Variants in SH2D6 observed in about 807,000 individuals in gnomAD.
SH2D6 encodes SH2 domain containing 6, also known as SH2 domain-containing protein 6.
In SH2D6, 31 loss-of-function variants were observed where a neutral mutation model predicts 30.2. That is an observed-to-expected ratio of 1.03 (90% confidence interval 0.77 to 1.38). The LOEUF (loss-of-function observed/expected upper bound fraction) is 1.38. Ranked by LOEUF, SH2D6 falls within the 40% of genes most tolerant of loss-of-function variation. The probability of loss-of-function intolerance (pLI) is 0.00; values close to 1 mark genes in which losing one functional copy is unlikely to be tolerated. For missense variants in SH2D6, 240 were observed against 266.8 expected (o/e 0.90, Z 0.70); for synonymous variants, 93 against 104.6 (o/e 0.89, Z 0.68).
At chr2:85,431,849 TTG>T (rs1688689333) in intron 13 of SH2D6, 48 bp from the exon 14 acceptor site, 2 of 152,732 alleles carry the variant, frequency 1.3e-5, no homozygotes, top group African/African-American at 4.8e-5. Flanking sequence ...CGCCCCATCC[TTG>T]CCTCCTGCTC....
Position 85,430,460 on chromosome 2 carries a change from T to G in SH2D6, c.135+26T>G, listed in dbSNP as rs1573224711. ...GTGAGTCTGCCTACTGAGGTTGGGG[T>G]GGGGAGGCAGCGGCCAGAGCCTGCT... On this transcript the variant is annotated intron_variant, in intron 11 of 23. Coordinates refer to ENST00000469800, the MANE Select transcript of SH2D6 (RefSeq NM_001394463.1). This position sits in a 1 kb window ranked among gnomAD's most constrained non-coding sequence, Gnocchi z 4.3. 6.6e-6 allele frequency: 1 copy of G among 152,452 alleles called. No individual in the cohort carries two copies. Among genetic ancestry groups the G allele is most frequent in the Non-Finnish European group, 1.5e-5 (1 of 68,128 alleles). The allele number at this position is 152,452 out of a possible 1,614,324, so 9.4% of individuals were successfully genotyped here.
intron 2 of SH2D6, chr2:85,421,451 CAA>C (rs1687746633): frequency 6.6e-6 from 1 of 152,182 alleles, no homozygotes; most frequent in Non-Finnish European, 1.5e-5. Flanking sequence ...GAAGAGAGAC[CAA>C]AGATGTTTGC....
intron 17 of SH2D6, 37 bp downstream of exon 17, chr2:85,434,148 A>T (rs1689103826): frequency 6.5e-7 from 1 of 1,540,934 alleles, no homozygotes; most frequent in Middle Eastern, 1.7e-4. Flanking sequence ...GTGTGTATGT[A>T]TGTGAGACAC....
chr2:85,435,118 G>A lies in SH2D6; in HGVS notation c.643G>A (p.Ala215Thr). Residue 215 changes from alanine to threonine, a missense_variant, in exon 20 of 24, where the codon GCT (alanine) becomes ACT (threonine). Physicochemically the swap from Ala to Thr is moderately conservative, Grantham distance 58. Transcript: ENST00000469800. ...AGCCCCCACTGGGAGTGCCTCAGCT[G>A]CTGAGGTGAGGAGGGGCTGGGAGCA... is the stretch of plus-strand genomic sequence containing the variant. ...SVAPTGSASA[A>T]EDSDLLTQPW... The A allele has an allele frequency of 6.2e-7, 1 of 1,605,022 alleles. No homozygotes were observed. The highest frequency in any genetic ancestry group is 8.5e-7 in the Non-Finnish European group (1 of 1,175,510).
intron 22 of SH2D6, 108 bp downstream of exon 22, chr2:85,435,932 G>A (rs1209805030): frequency 2.2e-6 from 3 of 1,386,596 alleles, no homozygotes; most frequent in Non-Finnish European, 1.9e-6. Context: ...ATCTTTCTGG[G>A]GTGGGCAGAA....
chr2:85,435,786 C>T lies in SH2D6; in HGVS notation c.853C>T (p.His285Tyr), dbSNP rs1411024141. The change falls in exon 22 of 24, where the codon CAC (histidine) becomes TAC (tyrosine). Residue 285 changes from histidine (H) to tyrosine (Y), a missense_variant. His to Tyr is a moderately conservative substitution (Grantham distance 83, BLOSUM62 2). Transcript: ENST00000469800. ...IPIRRLDGGRHYALGREGRNR... is the reference protein window; with the variant it reads ...IPIRRLDGGRYYALGREGRNR... ...CATCCGGCGGCTGGATGGCGGACGC[C>T]ACTATGCCCTGGGCCGGGAGGGCAG... 1.0e-5 allele frequency: 16 copies of T among 1,604,982 alleles called. No homozygotes were observed. Among genetic ancestry groups the T allele is most frequent in the African/African-American group, 1.3e-5 (1 of 74,956 alleles).
chr2:85,431,438 G>A (rs371195984), intron 13 of SH2D6, among the ~76,000 whole-genome samples, 170 bp downstream of exon 13: 103 of 152,264 alleles, frequency 6.8e-4, no homozygotes, highest in African/African-American at 2.4e-3. Context: ...GAGCCCTGCC[G>A]CTGTCAGTCA....
chr2:85,433,604 C>T lies in SH2D6; in HGVS notation c.427C>T (p.Leu143Phe). ...PGPPKKPDED[L>F]YLECEPDPVL... ...CCCTCCAAAGAAACCTGATGAGGAC[C>T]TCTACTTGGAATGTGAGCCGGATCC... The change falls in exon 16 of 24, where the codon CTC (leucine) becomes TTC (phenylalanine). Residue 143 changes from leucine (L) to phenylalanine (F), a missense_variant. Leu to Phe is a conservative substitution (Grantham distance 22). Coordinates refer to ENST00000469800, the MANE Select transcript of SH2D6 (RefSeq NM_001394463.1). 9.9e-7 allele frequency: 1 copy of T among 1,010,918 alleles called. No individual in the cohort carries two copies. Among genetic ancestry groups the T allele is most frequent in the African/African-American group, 1.7e-5 (1 of 57,948 alleles). 62.6% of individuals were successfully genotyped at this position (1,010,918 alleles called of 1,614,324 possible).
At position 85,433,097 on chromosome 2, in the gene SH2D6, A is replaced by C. The variant is rs1181433360; in HGVS notation, c.371-2A>C. 5.1e-6 allele frequency: 5 copies of C among 985,760 alleles called. No homozygotes were observed. The highest frequency in any genetic ancestry group is 1.7e-5 in the African/African-American group (1 of 57,230). The allele number at this position is 985,760 out of a possible 1,614,324, so 61.1% of individuals were successfully genotyped here. A position where few individuals can be genotyped will look rare whatever the true frequency, so the allele number is the denominator to read the frequency against. Reference sequence around the variant, plus strand: ...CAGGTGGTTCTCTCCTTTTCCTTTCAGAGCAGGGTGCATCGTCCAGAGTGG... The same window carrying C: ...CAGGTGGTTCTCTCCTTTTCCTTTCCGAGCAGGGTGCATCGTCCAGAGTGG... On this transcript the variant is annotated splice_acceptor_variant, in intron 14 of 23. Transcript: ENST00000469800. LOFTEE classifies it high-confidence loss of function.
In SH2D6 at chr2:85,436,449, C is replaced by T. The variant is rs780136162; in HGVS notation, c.892-17C>T. On this transcript the variant is annotated splice_polypyrimidine_tract_variant and intron_variant, in intron 22 of 23. Transcript: ENST00000469800. Reference sequence around the variant, plus strand: ...TGAGGCTCATGGGACTCACGGATGCCCTGCCTCCCTGGCCAGCTCTTCTCC... The same window carrying T: ...TGAGGCTCATGGGACTCACGGATGCTCTGCCTCCCTGGCCAGCTCTTCTCC... 3.1e-6 allele frequency: 5 copies of T among 1,605,450 alleles called. No homozygotes were observed. Among genetic ancestry groups the T allele is most frequent in the Non-Finnish European group, 4.3e-6 (5 of 1,172,736 alleles).
At position 85,433,712 on chromosome 2, in the gene SH2D6, T is replaced by G. The variant is rs1689044302; in HGVS notation, c.454+81T>G. On this transcript the variant is annotated intron_variant, in intron 16 of 23. Transcript: ENST00000469800. ...AGCACAACACACTCTCCTGGCTCCA[T>G]CTGCTTCCCTTGCTGCCTCTCACCA... 6.7e-6 allele frequency: 7 copies of G among 1,049,930 alleles called. 1 individual carries two copies. In the South Asian group the frequency reaches 1.7e-4, roughly 26 times the overall value. 65.0% of individuals were successfully genotyped at this position (1,049,930 alleles called of 1,614,324 possible).
intron 5 of SH2D6, among the ~76,000 whole-genome samples, chr2:85,424,814 TC>T (rs1415099969): frequency 2.0e-5 from 3 of 150,894 alleles, no homozygotes; most frequent in Non-Finnish European, 4.4e-5. Context: ...ACGCCTGTAA[TC>T]CCAGCACTTT....
Position 85,436,515 on chromosome 2 carries a change from T to C in SH2D6, c.941T>C (p.Leu314Pro). ...GTCCAGCACTTCATGTGGCACCCTC[T>C]GCCCCTTGTGGACAGACACAGCGGC... Reference protein sequence around the residue: ...AMVQHFMWHPLPLVDRHSGSR... With the variant: ...AMVQHFMWHPPPLVDRHSGSR... Residue 314 changes from leucine to proline, a missense_variant, in exon 23 of 24, where the codon CTG becomes CCG. Coordinates refer to ENST00000469800, the MANE Select transcript of SH2D6 (RefSeq NM_001394463.1). 1.2e-6 allele frequency: 2 copies of C among 1,613,768 alleles called. No homozygotes were observed. Among genetic ancestry groups the C allele is most frequent in the Non-Finnish European group, 1.7e-6 (2 of 1,180,008 alleles).
chr2:85,436,387 A>T, intron 22 of SH2D6, 79 bp from the exon 23 acceptor site: 1 of 1,026,214 alleles, frequency 9.7e-7, no homozygotes, highest in Non-Finnish European at 1.5e-6. Flanking sequence ...TCCCCTTGCC[A>T]GAGTCCCACA....
intron 6 of SH2D6, among the ~76,000 whole-genome samples, chr2:85,427,403 C>T (rs1877955): frequency 2.0e-5 from 3 of 152,136 alleles, no homozygotes; most frequent in Non-Finnish European, 2.9e-5. Context: ...ACTGAGGCAG[C>T]CCTCTTTCCT....
At chr2:85,436,125 C>G (rs978432202) in intron 22 of SH2D6, among the ~76,000 whole-genome samples, 8 of 152,148 alleles carry the variant, frequency 5.3e-5, no homozygotes, top group African/African-American at 1.7e-4. Flanking sequence ...CCCCAGGACT[C>G]AATGTCGCAC....
intron 5 of SH2D6, among the ~76,000 whole-genome samples, chr2:85,423,194 T>TG (rs879654682): frequency 0.026 from 3,005 of 117,460 alleles, 46 homozygotes; most frequent in South Asian, 0.06. Context: ...GGCCTGTTTT[T>TG]TTTTTTGTTG....
rs1689088455 is a variant in SH2D6 at position 85,434,021 on chromosome 2, T to A, written c.455-12T>A. 6.5e-7 allele frequency: 1 copy of A among 1,549,510 alleles called. No individual in the cohort carries two copies. On this transcript the variant is annotated splice_polypyrimidine_tract_variant and intron_variant, in intron 16 of 23. Coordinates refer to ENST00000469800, the MANE Select transcript of SH2D6 (RefSeq NM_001394463.1). Reference sequence around the variant, plus strand: ...TGCTCAGCCGAGCCCAGCCTGCCCCTCCCTGTTTCAGTCCTGGCTTTGACT... The same window carrying A: ...TGCTCAGCCGAGCCCAGCCTGCCCCACCCTGTTTCAGTCCTGGCTTTGACT...
At chr2:85,426,843 T>C (rs974233151) in intron 6 of SH2D6, among the ~76,000 whole-genome samples, 6 of 152,226 alleles carry the variant, frequency 3.9e-5, no homozygotes, top group African/African-American at 1.4e-4. Flanking sequence ...GGCCCAGACT[T>C]GTGCCTGGTA....
Sources: allele counts gnomAD v4.1 joint callset (sites outside exome capture counted in the v4.1 genomes callset), GRCh38; gene constraint gnomAD v4.1.1; non-coding constraint Gnocchi (gnomAD v3.1); transcripts MANE v1.5; gene names NCBI Gene and HGNC (gene_info 2026-07-23, HGNC 2026-07-21).